The following MAP1LC3B2 variants were observed in gnomAD, a reference collection of about 807,000 sequenced individuals.
MAP1LC3B2 encodes the protein microtubule associated protein 1 light chain 3 beta 2.
For missense variants in MAP1LC3B2, 155 were observed against 154.6 expected (o/e 1.00, Z -0.01); for synonymous variants, 62 against 57.8 (o/e 1.07, Z -0.33).
Position 116,573,190 on chromosome 12 carries a change from C to T in MAP1LC3B2, c.-101-2652C>T, listed in dbSNP as rs75081274. Among the ~76,000 whole-genome samples, 734 of 152,298 alleles carry T rather than the reference C, an allele frequency of 4.8e-3. 8 individuals carry two copies. The highest frequency in any genetic ancestry group is 7.8e-3 in the Non-Finnish European group (529 of 68,028). ...CCTCCCACCTTGACCTCTTAAAGCA[C>T]TGGCATTACAGGCATGAGCTACGGT... On this transcript the variant is annotated intron_variant, in intron 1 of 1. Coordinates refer to ENST00000556529, the MANE Select transcript of MAP1LC3B2 (RefSeq NM_001085481.3).
At chr12:116,561,816 G>A (rs950645404) in intron 1 of MAP1LC3B2, among the ~76,000 whole-genome samples, 3 of 152,236 alleles carry the variant, frequency 2.0e-5, no homozygotes, top group African/African-American at 7.2e-5. Context: ...TAAGGATGGA[G>A]CAAGTACATG....
intron 1 of MAP1LC3B2, among the ~76,000 whole-genome samples, chr12:116,573,747 T>C (rs1869600797): frequency 6.6e-6 from 1 of 152,114 alleles, no homozygotes. Flanking sequence ...AAATTCCTGA[T>C]TTCAAGTGAT....
intron 1 of MAP1LC3B2, among the ~76,000 whole-genome samples, chr12:116,563,424 G>T (rs979497933): frequency 6.6e-6 from 1 of 152,128 alleles, no homozygotes; most frequent in Non-Finnish European, 1.5e-5. Context: ...ATGCATTAAG[G>T]GTGTTATTCC....
At chr12:116,571,159 T>C (rs1465525649) in intron 1 of MAP1LC3B2, among the ~76,000 whole-genome samples, 1 of 152,246 alleles carries the variant, frequency 6.6e-6, no homozygotes, top group Non-Finnish European at 1.5e-5. Context: ...CAGCTTTTTC[T>C]GAAGAGTACA....
intron 1 of MAP1LC3B2, among the ~76,000 whole-genome samples, chr12:116,573,586 G>C (rs1190989926): frequency 6.6e-6 from 1 of 151,752 alleles, no homozygotes; most frequent in African/African-American, 2.4e-5. Context: ...GCGTGATCTC[G>C]GCTCACTGCA....
intron 1 of MAP1LC3B2, among the ~76,000 whole-genome samples, chr12:116,564,322 G>A (rs1869338366): frequency 6.6e-6 from 1 of 151,988 alleles, no homozygotes; most frequent in African/African-American, 2.4e-5. Context: ...GTGCAGCTGA[G>A]TGCCTGGGTT....
In MAP1LC3B2 at chr12:116,576,016, A is replaced by G; in HGVS notation, c.74A>G (p.Glu25Gly). The G allele has an allele frequency of 1.2e-6, 2 of 1,614,220 alleles. No individual in the cohort carries two copies. The highest frequency in any genetic ancestry group is 8.5e-7 in the Non-Finnish European group (1 of 1,180,038). Residue 25 changes from glutamate (E) to glycine (G), a missense_variant, in exon 2 of 2, where the codon GAG becomes GGG. Glu to Gly is a moderately conservative substitution (Grantham distance 98). Coordinates refer to ENST00000556529, the MANE Select transcript of MAP1LC3B2 (RefSeq NM_001085481.3). ...GTAGAAGATGTCCGACTTATTCGAG[A>G]GCAGCATCCAACCAAAATCCCGGTG... Reference protein sequence around the residue: ...QRVEDVRLIREQHPTKIPVII... With the variant: ...QRVEDVRLIRGQHPTKIPVII...
At chr12:116,567,464 T>TG (rs1364853673) in intron 1 of MAP1LC3B2, among the ~76,000 whole-genome samples, 1 of 151,190 alleles carries the variant, frequency 6.6e-6, no homozygotes, top group Non-Finnish European at 1.5e-5. Flanking sequence ...TTTTTTTTTT[T>TG]TGGCCAGGCA....
At chr12:116,561,931 A>G (rs1162303896) in intron 1 of MAP1LC3B2, among the ~76,000 whole-genome samples, 1 of 152,130 alleles carries the variant, frequency 6.6e-6, no homozygotes, top group African/African-American at 2.4e-5. Context: ...CTATGACACT[A>G]TCTTTTGCTT....
intron 1 of MAP1LC3B2, among the ~76,000 whole-genome samples, chr12:116,565,238 T>G (rs1869358309): frequency 6.6e-6 from 1 of 152,166 alleles, no homozygotes; most frequent in Non-Finnish European, 1.5e-5. Context: ...GATAAAGACA[T>G]ACTCGAGACT....
chr12:116,565,643 C>G (rs1440515423), intron 1 of MAP1LC3B2, among the ~76,000 whole-genome samples: 2 of 152,280 alleles, frequency 1.3e-5, no homozygotes, highest in East Asian at 1.9e-4. Flanking sequence ...GCTCCATGCC[C>G]ATGGGGTCCT....
intron 1 of MAP1LC3B2, among the ~76,000 whole-genome samples, chr12:116,574,662 A>C (rs1234684097): frequency 6.6e-6 from 1 of 151,834 alleles, no homozygotes; most frequent in Admixed American, 6.6e-5. Flanking sequence ...AAAGAAAAAA[A>C]AAAAGCATAC....
intron 1 of MAP1LC3B2, among the ~76,000 whole-genome samples, chr12:116,565,623 G>A (rs1436603424): frequency 6.6e-6 from 1 of 152,176 alleles, no homozygotes. Context: ...ATAGATGACT[G>A]GACAAATTAG....
At chr12:116,569,197 A>G (rs1245220174) in intron 1 of MAP1LC3B2, among the ~76,000 whole-genome samples, 1 of 152,078 alleles carries the variant, frequency 6.6e-6, no homozygotes, top group African/African-American at 2.4e-5. Context: ...TTCTCTAGAA[A>G]TTACCCAGTC....
At chr12:116,573,963 T>C (rs757177424) in intron 1 of MAP1LC3B2, among the ~76,000 whole-genome samples, 3 of 152,064 alleles carry the variant, frequency 2.0e-5, no homozygotes, top group Non-Finnish European at 4.4e-5. Context: ...CAAATGCAAA[T>C]GAGAACAATG....
chr12:116,575,922 C>A lies in MAP1LC3B2; in HGVS notation c.-21C>A. The A allele has an allele frequency of 2.5e-6, 4 of 1,613,242 alleles. No individual in the cohort carries two copies. Among genetic ancestry groups the A allele is most frequent in the Non-Finnish European group, 2.5e-6 (3 of 1,179,264 alleles). On this transcript the variant is annotated 5_prime_UTR_variant, in exon 2 of 2. Coordinates refer to ENST00000556529, the MANE Select transcript of MAP1LC3B2 (RefSeq NM_001085481.3). Reference sequence around the variant, plus strand: ...GCCGGGACCCTCGCGTCGTCGCCGCCGCGGCCCAGATCCCCACACCATGCC... The same window carrying A: ...GCCGGGACCCTCGCGTCGTCGCCGCAGCGGCCCAGATCCCCACACCATGCC...
chr12:116,570,836 T>C (rs1304604141), intron 1 of MAP1LC3B2, among the ~76,000 whole-genome samples: 1 of 152,230 alleles, frequency 6.6e-6, no homozygotes, highest in Non-Finnish European at 1.5e-5. Flanking sequence ...TTTCAACGTA[T>C]GATAGGTTTA....
chr12:116,572,369 C>CTT (rs34609295), intron 1 of MAP1LC3B2, among the ~76,000 whole-genome samples: 3,843 of 146,798 alleles, frequency 0.026, 183 homozygotes, highest in African/African-American at 0.091. Context: ...TGCCTCAGTT[C>CTT]TTTTTTTTTT....
chr12:116,575,819 C>T, intron 1 of MAP1LC3B2, 23 bp from the exon 2 acceptor site: 2 of 1,076,420 alleles, frequency 1.9e-6, no homozygotes, highest in East Asian at 2.5e-5. Context: ...CTACTCAGCT[C>T]TGTTGTTATT....
Sources: gnomAD v4.1 joint callset for allele counts (sites outside exome capture counted in the v4.1 genomes callset) on GRCh38, gnomAD v4.1.1 for gene constraint, MANE v1.5 for transcripts, NCBI Gene and HGNC (gene_info 2026-07-23, HGNC 2026-07-21) for gene names.